The following LRP1B variants were observed in gnomAD, a reference collection of about 807,000 sequenced individuals.
LRP1B encodes low-density lipoprotein receptor-related protein 1B.
LRP1B carries 217 observed loss-of-function variants against 556.6 expected under a neutral mutation model. The observed-to-expected ratio is 0.39, with a 90% CI of 0.35 to 0.44. The LOEUF is 0.44. Ranked by LOEUF, LRP1B falls within the 20% of genes least tolerant of loss-of-function variation. The probability of loss-of-function intolerance (pLI) is 1.00; values close to 1 mark genes in which losing one functional copy is unlikely to be tolerated. For synonymous variants in LRP1B, 2,047 were observed against 1,865.8 expected, an observed-to-expected ratio of 1.10 and a Z score of -2.50; for missense variants, 5,053 against 5,620.8, an observed-to-expected ratio of 0.90 and a Z score of 3.23.
intron 2 of LRP1B, among the ~76,000 whole-genome samples, chr2:141,701,209 C>T (rs1691928973): frequency 6.6e-6 from 1 of 151,836 alleles, no homozygotes; most frequent in Non-Finnish European, 1.5e-5. Context: ...TTTCTACTGT[C>T]CACAGGAAAA....
At chr2:140,501,616 T>C in intron 55 of LRP1B, 71 bp downstream of exon 55, 1 of 1,143,418 alleles carries the variant, frequency 8.7e-7, no homozygotes, top group Non-Finnish European at 1.2e-6. Context: ...TCATCTATAT[T>C]GGATTAAATA....
In LRP1B at chr2:140,600,767, G is replaced by GTTTTTTTTTTTTTTTTTTTT. The variant is rs61336155; in HGVS notation, c.6989+663_6989+682dup. 4.7e-4 allele frequency among the ~76,000 whole-genome samples: 27 copies of GTTTTTTTTTTTTTTTTTTTT among 56,892 alleles called. 3 individuals are homozygous for GTTTTTTTTTTTTTTTTTTTT. The highest frequency in any genetic ancestry group is 8.1e-4 in the Non-Finnish European group (24 of 29,574). The allele number at this position is 56,892 out of a possible 152,430, so 37.3% of individuals were successfully genotyped here. A position where few individuals can be genotyped will look rare whatever the true frequency, so the allele number is the denominator to read the frequency against. ...CCTTACCTGTGCTTTGTTCTTCGGG[G>GTTTTTTTTTTTTTTTTTTTT]TTTTTTTTTTTTTTTTTTTTTTTTT... is the stretch of plus-strand genomic sequence containing the variant. On this transcript the variant is annotated intron_variant, in intron 42 of 90. Transcript: ENST00000389484.
At chr2:141,287,213 A>G (rs1017364077) in intron 3 of LRP1B, among the ~76,000 whole-genome samples, 7 of 151,808 alleles carry the variant, frequency 4.6e-5, no homozygotes, top group Non-Finnish European at 8.8e-5. Context: ...TATGTTCATT[A>G]TTTCAGTTCT....
intron 52 of LRP1B, among the ~76,000 whole-genome samples, chr2:140,507,313 G>T (rs1689460557): frequency 1.3e-5 from 2 of 152,036 alleles, no homozygotes; most frequent in South Asian, 4.1e-4. Context: ...TAATAAAAAT[G>T]TTGTTTCCTT....
intron 43 of LRP1B, among the ~76,000 whole-genome samples, chr2:140,555,508 T>C (rs1680700317): frequency 6.6e-6 from 1 of 152,062 alleles, no homozygotes; most frequent in African/African-American, 2.4e-5. Flanking sequence ...TTAAATAATA[T>C]ACATAAAACA....
At chr2:141,355,177 A>G (rs1372208984) in intron 3 of LRP1B, among the ~76,000 whole-genome samples, 4 of 152,096 alleles carry the variant, frequency 2.6e-5, no homozygotes, top group Non-Finnish European at 4.4e-5. Flanking sequence ...AAAAAAAATC[A>G]GTTTTGTCAT....
Position 140,509,996 on chromosome 2 carries a change from C to A in LRP1B, c.8330G>T (p.Arg2777Leu). 1 of 1,613,958 alleles carries A rather than the reference C, an allele frequency of 6.2e-7. No homozygotes were observed. Among genetic ancestry groups the A allele is most frequent in the Non-Finnish European group, 8.5e-7 (1 of 1,180,008 alleles). Residue 2777 changes from arginine (R) to leucine (L), a missense_variant, in exon 52 of 91, where the codon CGA becomes CTA. Coordinates refer to ENST00000389484, the MANE Select transcript of LRP1B (RefSeq NM_018557.3). Reference sequence around the variant, plus strand: ...CCTTTCACCATCACAAAGCCAATGTCGGGGCACGCAGGCACGAGAGCCCTG... The same window carrying A: ...CCTTTCACCATCACAAAGCCAATGTAGGGGCACGCAGGCACGAGAGCCCTG... The part of the protein sequence containing the change: ...SCQGSRACVP[R>L]HWLCDGERDC...
intron 35 of LRP1B, among the ~76,000 whole-genome samples, chr2:140,748,694 T>A (rs1259098826): frequency 7.9e-6 from 1 of 127,306 alleles, no homozygotes; most frequent in Non-Finnish European, 1.6e-5. Flanking sequence ...AGGAATTTTT[T>A]AAGTCCTATG....
At chr2:140,242,257 C>G (rs2104889962) in intron 87 of LRP1B, among the ~76,000 whole-genome samples, 1 of 151,112 alleles carries the variant, frequency 6.6e-6, no homozygotes, top group Middle Eastern at 3.4e-3. Context: ...AGGATTATGC[C>G]AATCAGAAAA....
At chr2:141,584,087 C>T (rs1052503152) in intron 2 of LRP1B, among the ~76,000 whole-genome samples, 10 of 151,096 alleles carry the variant, frequency 6.6e-5, no homozygotes, top group Non-Finnish European at 1.2e-4. Context: ...TACAAATTTC[C>T]CCCCAACGTT....
intron 41 of LRP1B, among the ~76,000 whole-genome samples, chr2:140,682,313 G>C (rs763297736): frequency 6.6e-6 from 1 of 152,144 alleles, no homozygotes; most frequent in Non-Finnish European, 1.5e-5. Flanking sequence ...TATTTCTGCT[G>C]CTAAGATTTT....
chr2:142,038,679 C>A (rs184735969), intron 1 of LRP1B, among the ~76,000 whole-genome samples: 1 of 151,512 alleles, frequency 6.6e-6, no homozygotes, highest in African/African-American at 2.4e-5. Context: ...TATTCCTCTA[C>A]GATCTCCAGG....
intron 3 of LRP1B, among the ~76,000 whole-genome samples, chr2:141,427,522 T>C (rs554829662): frequency 6.6e-6 from 1 of 152,310 alleles, no homozygotes; most frequent in East Asian, 1.9e-4. Flanking sequence ...CAATCTCTTA[T>C]AGTTACTGTA....
intron 1 of LRP1B, among the ~76,000 whole-genome samples, chr2:142,098,670 T>A (rs1706464684): frequency 6.6e-6 from 1 of 151,766 alleles, no homozygotes; most frequent in South Asian, 2.1e-4. Flanking sequence ...ATAAATGAAA[T>A]TGCTCTTTAC....
intron 86 of LRP1B, among the ~76,000 whole-genome samples, chr2:140,249,472 C>T (rs1001338887): frequency 2.0e-5 from 3 of 151,620 alleles, no homozygotes; most frequent in Admixed American, 1.3e-4. Flanking sequence ...ATCCTCTCCT[C>T]TTTTAAATTG....
chr2:140,324,366 T>C (rs1680335951), intron 80 of LRP1B, among the ~76,000 whole-genome samples: 1 of 152,026 alleles, frequency 6.6e-6, no homozygotes, highest in Admixed American at 6.6e-5. Flanking sequence ...CTCTCTGCTA[T>C]GCAGTTGACA....
At chr2:141,540,933 T>C (rs746689834) in intron 2 of LRP1B, among the ~76,000 whole-genome samples, 1 of 151,940 alleles carries the variant, frequency 6.6e-6, no homozygotes, top group Non-Finnish European at 1.5e-5. Context: ...GAAAACCCTG[T>C]TGACAAAATG....
chr2:141,820,557 G>A (rs1412800432), intron 1 of LRP1B, among the ~76,000 whole-genome samples: 1 of 152,128 alleles, frequency 6.6e-6, no homozygotes, highest in Non-Finnish European at 1.5e-5. Context: ...AATTAGACGG[G>A]CATTGAGGAA....
intron 6 of LRP1B, among the ~76,000 whole-genome samples, chr2:141,226,027 G>A (rs868068895): frequency 1.3e-5 from 2 of 151,844 alleles, no homozygotes; most frequent in African/African-American, 4.8e-5. Flanking sequence ...GGGCAGAGCG[G>A]TATTTAGAAA....
Sources: allele counts gnomAD v4.1 joint callset (sites outside exome capture counted in the v4.1 genomes callset), GRCh38; gene constraint gnomAD v4.1.1; transcripts MANE v1.5; gene names NCBI Gene and HGNC (gene_info 2026-07-23, HGNC 2026-07-21).